Variants in CIDEA observed in about 807,000 individuals in gnomAD.
CIDEA encodes lipid transferase CIDEA.
Under a neutral mutation model 18.2 loss-of-function variants are expected in CIDEA, and 10 were observed. The observed-to-expected ratio is 0.55, with a 90% CI of 0.34 to 0.93. CIDEA has a LOEUF of 0.93. CIDEA is among the 40% of genes least tolerant of loss of function. The pLI is 0.02. For synonymous variants in CIDEA, 128 were observed against 124.8 expected (o/e 1.03, Z -0.17); for missense variants, 309 against 293.1 (o/e 1.05, Z -0.40).
At chr18:12,265,965 T>A (rs1471753366) in intron 3 of CIDEA, among the ~76,000 whole-genome samples, 1 of 152,002 alleles carries the variant, frequency 6.6e-6, no homozygotes, top group East Asian at 1.9e-4. Context: ...ATAAATAAAT[T>A]AATTAAATGC....
At chr18:12,267,798 A>G (rs914870107) in intron 3 of CIDEA, among the ~76,000 whole-genome samples, 1 of 151,830 alleles carries the variant, frequency 6.6e-6, no homozygotes, top group Non-Finnish European at 1.5e-5. Flanking sequence ...CCCGGCTTGT[A>G]TCAATAAATT....
rs112186694 is a variant in CIDEA at position 12,254,480 on chromosome 18, C to T, written c.38+59C>T. 5,255 of 1,571,516 alleles carry T rather than the reference C, an allele frequency of 3.3e-3. 138 individuals are homozygous for T. In the African/African-American group the frequency reaches 0.06, roughly 18 times the overall value. ...CTTCCAATCGCCTTGCGTTCGGTGG[C>T]CTCATATTCCCCTGTGCGCCTCTAG... On this transcript the variant is annotated intron_variant, in intron 1 of 4. Coordinates refer to ENST00000320477, the MANE Select transcript of CIDEA (RefSeq NM_001279.4).
In CIDEA at chr18:12,265,196, A is replaced by C. The variant is rs150431921; in HGVS notation, c.330+743A>C. Among the ~76,000 whole-genome samples the C allele has an allele frequency of 2.9e-3, 437 of 152,384 alleles. 1 individual carries two copies. Among genetic ancestry groups the C allele is most frequent in the African/African-American group, 0.01 (416 of 41,598 alleles). ...AATGAAGCCTTCGGTCTCTGGGAAA[A>C]CTATAGATGATATAGCCCAAAAAAC... On this transcript the variant is annotated intron_variant, in intron 3 of 4. Transcript: ENST00000320477.
chr18:12,265,442 A>G (rs544041783), intron 3 of CIDEA, among the ~76,000 whole-genome samples: 1 of 152,310 alleles, frequency 6.6e-6, no homozygotes, highest in East Asian at 1.9e-4. Context: ...TGCTGGGAGG[A>G]CAGGAGACAG....
chr18:12,264,584 C>T (rs938862292), intron 3 of CIDEA, 131 bp downstream of exon 3: 30 of 696,864 alleles, frequency 4.3e-5, no homozygotes, highest in South Asian at 8.5e-5. Context: ...GACGGAGTCT[C>T]GCTCTGTCAC....
At position 12,277,162 on chromosome 18, in the gene CIDEA, G is replaced by C. The variant is rs138099265; in HGVS notation, c.552G>C (p.Thr184=). ...LRFLSYSAQV[T]GQFLIYLGTY... ...TCCTGTCCTACTCCGCCCAGGTGACGGGACAGTTTCTCATCTATCTGGGCA... is the reference window on the plus strand; with the variant it reads ...TCCTGTCCTACTCCGCCCAGGTGACCGGACAGTTTCTCATCTATCTGGGCA... The change falls in exon 5 of 5, where the codon ACG becomes ACC. Residue 184 remains threonine (T), a synonymous_variant. Coordinates refer to ENST00000320477, the MANE Select transcript of CIDEA (RefSeq NM_001279.4). The C allele has an allele frequency of 5.0e-6, 8 of 1,614,046 alleles. No homozygotes were observed. Among genetic ancestry groups the C allele is most frequent in the Admixed American group, 1.7e-5 (1 of 60,000 alleles).
In CIDEA at chr18:12,254,369, T is replaced by C; in HGVS notation, c.-15T>C. The C allele has an allele frequency of 1.3e-6, 2 of 1,527,806 alleles. No homozygotes were observed. The highest frequency in any genetic ancestry group is 8.8e-7 in the Non-Finnish European group (1 of 1,138,880). The allele number at this position is 1,527,806 out of a possible 1,614,324, so 94.6% of individuals were successfully genotyped here. A position where few individuals can be genotyped will look rare whatever the true frequency, so the allele number is the denominator to read the frequency against. On this transcript the variant is annotated 5_prime_UTR_variant, in exon 1 of 5. Coordinates refer to ENST00000320477, the MANE Select transcript of CIDEA (RefSeq NM_001279.4). ...CAGGCAGACAGACCTCCAGGCCCGCTAGGGGATCCGCGCCATGGAGGCCGC... is the reference window on the plus strand; with the variant it reads ...CAGGCAGACAGACCTCCAGGCCCGCCAGGGGATCCGCGCCATGGAGGCCGC...
chr18:12,254,990 C>T (rs1911987447), intron 1 of CIDEA: 3 of 1,181,084 alleles, frequency 2.5e-6, no homozygotes, highest in African/African-American at 1.6e-5. Flanking sequence ...TCCTCCTTGC[C>T]TCCGGGTCCA....
At position 12,273,075 on chromosome 18, in the gene CIDEA, C is replaced by T. The variant is rs186414919; in HGVS notation, c.331-1018C>T. 2.2e-4 allele frequency among the ~76,000 whole-genome samples: 34 copies of T among 152,210 alleles called. No homozygotes were observed. In the East Asian group the frequency reaches 5.8e-3, roughly 26 times the overall value. On this transcript the variant is annotated intron_variant, in intron 3 of 4. Transcript: ENST00000320477. Reference sequence around the variant, plus strand: ...CATACATACCCCAGATCTATTCAAACAAATTCTGTATGATCCGAATTAGAG... The same window carrying T: ...CATACATACCCCAGATCTATTCAAATAAATTCTGTATGATCCGAATTAGAG...
intron 1 of CIDEA, among the ~76,000 whole-genome samples, chr18:12,259,814 T>C (rs1173870221): frequency 1.3e-5 from 2 of 152,190 alleles, no homozygotes; most frequent in African/African-American, 4.8e-5. Context: ...TGAGCCCAGA[T>C]GGCATCACTG....
intron 1 of CIDEA, among the ~76,000 whole-genome samples, chr18:12,256,955 G>A (rs1912054101): frequency 6.6e-6 from 1 of 152,206 alleles, no homozygotes; most frequent in African/African-American, 2.4e-5. Flanking sequence ...GGGGGTAGGT[G>A]TGCTCCCACC....
chr18:12,264,653 A>C (rs4797658), intron 3 of CIDEA, among the ~76,000 whole-genome samples, 200 bp downstream of exon 3: 139,924 of 151,164 alleles, frequency 0.93, 65,359 homozygotes, highest in East Asian at 1. Context: ...TCCCGGGTTC[A>C]CGCCATTCTC....
At chr18:12,255,667 A>T (rs8095879) in intron 1 of CIDEA, among the ~76,000 whole-genome samples, 3,566 of 152,250 alleles carry the variant, frequency 0.023, 158 homozygotes, top group African/African-American at 0.082. Context: ...GTGAATTCAC[A>T]ACACACCCAC....
chr18:12,268,830 CTT>C (rs769604976), intron 3 of CIDEA, among the ~76,000 whole-genome samples: 16 of 143,190 alleles, frequency 1.1e-4, no homozygotes, highest in Non-Finnish European at 1.2e-4. Context: ...ACTTAACTCA[CTT>C]TTTTTTTTTT....
At chr18:12,257,553 G>C (rs189413521) in intron 1 of CIDEA, among the ~76,000 whole-genome samples, 61 of 152,240 alleles carry the variant, frequency 4.0e-4, no homozygotes, top group Non-Finnish European at 7.1e-4. Flanking sequence ...AGTTGGCGGC[G>C]CCCTGCCTCC....
At chr18:12,254,552 C>G in intron 1 of CIDEA, 131 bp downstream of exon 1, 1 of 958,682 alleles carries the variant, frequency 1.0e-6, no homozygotes, top group Non-Finnish European at 1.4e-6. Flanking sequence ...CATTCTCTTG[C>G]GCTCCGCGAC....
rs540746746 is a variant in CIDEA, at chr18:12,263,802, C to T, written c.184-505C>T. On this transcript the variant is annotated intron_variant, in intron 2 of 4. Coordinates refer to ENST00000320477, the MANE Select transcript of CIDEA (RefSeq NM_001279.4). ...CAAGAGAGACACTCAGCTACGCACA[C>T]GAGGCTGTGGCTCTTACAGCAGCAA... is the stretch of plus-strand genomic sequence containing the variant. 37 of 152,354 alleles carry T rather than the reference C, an allele frequency of 2.4e-4. No individual in the cohort carries two copies. In the East Asian group the frequency reaches 5.4e-3, roughly 22 times the overall value. The allele number at this position is 152,354 out of a possible 1,614,324, so 9.4% of individuals were successfully genotyped here. A position where few individuals can be genotyped will look rare whatever the true frequency, so the allele number is the denominator to read the frequency against.
At chr18:12,271,033 G>A (rs1912512108) in intron 3 of CIDEA, among the ~76,000 whole-genome samples, 1 of 151,050 alleles carries the variant, frequency 6.6e-6, no homozygotes. Flanking sequence ...CGAGTAGCTG[G>A]GATTACAGGC....
chr18:12,277,398 T>A lies in CIDEA; in HGVS notation c.*128T>A, dbSNP rs1905380979. On this transcript the variant is annotated 3_prime_UTR_variant, in exon 5 of 5. Transcript: ENST00000320477. ...GGCCGCTGGTCACGCTGCTCAGGAG[T>A]GGTGCCCAGAAAAGGAAAGGGCTTG... The A allele has an allele frequency of 9.6e-7, 1 of 1,039,412 alleles. No homozygotes were observed. Among genetic ancestry groups the A allele is most frequent in the Non-Finnish European group, 1.4e-6 (1 of 728,970 alleles). The allele number at this position is 1,039,412 out of a possible 1,614,324, so 64.4% of individuals were successfully genotyped here.
Sources: gnomAD v4.1 joint callset for allele counts (sites outside exome capture counted in the v4.1 genomes callset) on GRCh38, gnomAD v4.1.1 for gene constraint, MANE v1.5 for transcripts, NCBI Gene and HGNC (gene_info 2026-07-23, HGNC 2026-07-21) for gene names.